Variants in TMPO observed in about 807,000 individuals in gnomAD.
TMPO encodes the protein thymopoietin, also known as LEM domain containing 4.
In TMPO, 22 loss-of-function variants were observed where a neutral mutation model predicts 45.4. The ratio of observed to expected loss-of-function variants is 0.48; its 90% CI spans 0.35 to 0.69. TMPO has a LOEUF of 0.69. Among genes scored for constraint, TMPO ranks in the 30% least tolerant of loss-of-function variants. TMPO has a pLI of 0.01. For missense variants in TMPO, 512 were observed against 548.8 expected (o/e 0.93, Z 0.67); for synonymous variants, 241 against 204.1 (o/e 1.18, Z -1.54).
At chr12:98,517,516 A>G (rs1297921518) in intron 1 of TMPO, among the ~76,000 whole-genome samples, 1 of 152,168 alleles carries the variant, frequency 6.6e-6, no homozygotes, top group African/African-American at 2.4e-5. Flanking sequence ...CTTCCTTCAA[A>G]TTTTACTTTA....
chr12:98,544,022 T>C (rs773778923), intron 4 of TMPO, among the ~76,000 whole-genome samples: 4 of 152,214 alleles, frequency 2.6e-5, no homozygotes, highest in Non-Finnish European at 4.4e-5. Context: ...GTGGATTCTT[T>C]AGTGTATTTT....
At chr12:98,535,699 A>C in intron 3 of TMPO, 2 of 979,740 alleles carry the variant, frequency 2.0e-6, no homozygotes, top group Non-Finnish European at 2.4e-6. Flanking sequence ...CAAGTTAAAT[A>C]TTTGTATATG....
chr12:98,547,852 C>T lies in TMPO; in HGVS notation c.1359C>T (p.Ser453=), dbSNP rs1182925301. ...SNFLHVDPRK[S]N ...TTCTTCATGTTGACCCTAGAAAATCCAACTGAATGGTATCTCTTTGGCACG... is the reference window on the plus strand; with the variant it reads ...TTCTTCATGTTGACCCTAGAAAATCTAACTGAATGGTATCTCTTTGGCACG... The change falls in exon 9 of 9, where the codon TCC becomes TCT. Residue 453 remains serine (S), a synonymous_variant. Transcript: ENST00000556029. 4 of 1,613,938 alleles carry T rather than the reference C, an allele frequency of 2.5e-6. No individual in the cohort carries two copies. Among genetic ancestry groups the T allele is most frequent in the Non-Finnish European group, 3.4e-6 (4 of 1,180,000 alleles).
chr12:98,546,632 A>C (rs941943018), intron 8 of TMPO, among the ~76,000 whole-genome samples, 185 bp downstream of exon 8: 1 of 152,188 alleles, frequency 6.6e-6, no homozygotes, highest in Non-Finnish European at 1.5e-5. Flanking sequence ...GCTTAAGCCC[A>C]GGAGTTCGAG....
chr12:98,532,088 A>C, intron 3 of TMPO: 13 of 422,242 alleles, frequency 3.1e-5, no homozygotes, highest in Admixed American at 4.0e-5. Context: ...TACAAATCTC[A>C]TTTTTCTGAG....
At chr12:98,531,438 T>A (rs1877183816) in intron 2 of TMPO, among the ~76,000 whole-genome samples, 1 of 151,902 alleles carries the variant, frequency 6.6e-6, no homozygotes, top group African/African-American at 2.4e-5. Context: ...TTTCCCTGTG[T>A]TGGCCAGGCT....
chr12:98,544,834 A>T, intron 6 of TMPO, 117 bp from the exon 7 acceptor site: 2 of 880,862 alleles, frequency 2.3e-6, no homozygotes. Flanking sequence ...TGTGTTGCTT[A>T]AATCTTTACT....
intron 6 of TMPO, 82 bp from the exon 7 acceptor site, chr12:98,544,868 GA>G: frequency 1.7e-6 from 2 of 1,143,102 alleles, no homozygotes; most frequent in Non-Finnish European, 1.3e-6. Context: ...TAATATTACA[GA>G]GATAAAATAT....
At chr12:98,542,794 G>T (rs924216289) in intron 4 of TMPO, among the ~76,000 whole-genome samples, 1 of 152,184 alleles carries the variant, frequency 6.6e-6, no homozygotes, top group African/African-American at 2.4e-5. Flanking sequence ...GCAGGTGGAG[G>T]TTGCGGTGAG....
chr12:98,519,551 G>C (rs1876168350), intron 1 of TMPO, among the ~76,000 whole-genome samples: 1 of 151,916 alleles, frequency 6.6e-6, no homozygotes, highest in Admixed American at 6.6e-5. Flanking sequence ...TGGTAATTAA[G>C]CTCTTTACGT....
At chr12:98,535,599 C>T in intron 3 of TMPO, 2 of 985,400 alleles carry the variant, frequency 2.0e-6, no homozygotes, top group Non-Finnish European at 2.4e-6. Context: ...TAGAATGCTT[C>T]TGCAAATTCA....
chr12:98,547,762 G>A lies in TMPO; in HGVS notation c.1269G>A (p.Val423=), dbSNP rs1390033510. 3.7e-6 allele frequency: 6 copies of A among 1,613,986 alleles called. No individual in the cohort carries two copies. Among genetic ancestry groups the A allele is most frequent in the Admixed American group, 3.3e-5 (2 of 59,994 alleles). ...TAAAAATTTTGCTGTTTGTTGTTGTGGCAGTTTTTTTGTTTTTGGTCTATC... is the reference window on the plus strand; with the variant it reads ...TAAAAATTTTGCTGTTTGTTGTTGTAGCAGTTTTTTTGTTTTTGGTCTATC... The part of the protein sequence containing the change: ...VWIKILLFVV[V]AVFLFLVYQA... The change falls in exon 9 of 9, where the codon GTG becomes GTA. Residue 423 remains valine (V), a synonymous_variant. Coordinates refer to ENST00000556029, the MANE Select transcript of TMPO (RefSeq NM_001032283.3).
In TMPO at chr12:98,546,344, T is replaced by A; in HGVS notation, c.991-15T>A. On this transcript the variant is annotated splice_polypyrimidine_tract_variant and intron_variant, in intron 7 of 8. Transcript: ENST00000556029. Reference sequence around the variant, plus strand: ...ATTTTAACTTGTGGTTGTTTGTTTGTCTGTTTCTTATTAGGTGGGAGAAAA... The same window carrying A: ...ATTTTAACTTGTGGTTGTTTGTTTGACTGTTTCTTATTAGGTGGGAGAAAA... The A allele has an allele frequency of 6.4e-7, 1 of 1,562,542 alleles. No homozygotes were observed. The highest frequency in any genetic ancestry group is 1.1e-5 in the South Asian group (1 of 89,932).
intron 1 of TMPO, among the ~76,000 whole-genome samples, chr12:98,526,441 C>CT (rs1482558242): frequency 6.6e-6 from 1 of 152,188 alleles, no homozygotes; most frequent in East Asian, 1.9e-4. Flanking sequence ...CAGATCATCT[C>CT]TAGATTACTT....
At chr12:98,529,269 G>T (rs756690746) in intron 2 of TMPO, among the ~76,000 whole-genome samples, 4 of 151,926 alleles carry the variant, frequency 2.6e-5, no homozygotes, top group Admixed American at 6.6e-5. Context: ...GGCCAGGCTG[G>T]TCTGAAACTC....
chr12:98,525,180 C>T (rs909040062), intron 1 of TMPO, among the ~76,000 whole-genome samples: 3 of 151,900 alleles, frequency 2.0e-5, no homozygotes, highest in African/African-American at 7.3e-5. Context: ...ACTCTTAGAC[C>T]CTAGGCAACT....
At chr12:98,535,933 G>A (rs1184818368) in intron 3 of TMPO, among the ~76,000 whole-genome samples, 1 of 151,934 alleles carries the variant, frequency 6.6e-6, no homozygotes, top group Non-Finnish European at 1.5e-5. Flanking sequence ...GTGCTTTCTA[G>A]TTCTTAGATT....
At chr12:98,536,208 A>C (rs1877556424) in intron 3 of TMPO, among the ~76,000 whole-genome samples, 2 of 152,304 alleles carry the variant, frequency 1.3e-5, no homozygotes, top group East Asian at 3.9e-4. Flanking sequence ...TTTTTCACAC[A>C]AGTTCAGAGT....
At chr12:98,534,431 G>C (rs765287084) in intron 3 of TMPO, 1 of 1,588,802 alleles carries the variant, frequency 6.3e-7, no homozygotes, top group Non-Finnish European at 8.5e-7. Flanking sequence ...TTAGTTTCCA[G>C]ATAGGGCTAA....
Sources: gnomAD v4.1 joint callset for allele counts (sites outside exome capture counted in the v4.1 genomes callset) on GRCh38, gnomAD v4.1.1 for gene constraint, MANE v1.5 for transcripts, NCBI Gene and HGNC (gene_info 2026-07-23, HGNC 2026-07-21) for gene names.